The following FBXL7 variants were observed in gnomAD, a reference collection of about 807,000 sequenced individuals.
The protein encoded by FBXL7 is F-box and leucine rich repeat protein 7, also known as F-box/LRR-repeat protein 7.
A neutral mutation model predicts 38.3 loss-of-function variants in FBXL7; 12 were observed. The ratio of observed to expected loss-of-function variants is 0.31; its 90% confidence interval spans 0.20 to 0.51. FBXL7 has a LOEUF of 0.51. Ranked by LOEUF, FBXL7 falls within the 20% of genes least tolerant of loss-of-function variation. FBXL7 has a pLI of 0.98. For synonymous variants in FBXL7, 297 were observed against 300.9 expected, an observed-to-expected ratio of 0.99 and a Z score of 0.13; for missense variants, 567 against 676.4, an observed-to-expected ratio of 0.84 and a Z score of 1.79.
At chr5:15,551,772 G>A (rs891429207) in intron 1 of FBXL7, among the ~76,000 whole-genome samples, 2 of 152,182 alleles carry the variant, frequency 1.3e-5, no homozygotes, top group South Asian at 2.1e-4. Context: ...TTCTGAATAT[G>A]TGTGTGGATA....
At chr5:15,853,885 A>T (rs898346982) in intron 2 of FBXL7, among the ~76,000 whole-genome samples, 3 of 152,190 alleles carry the variant, frequency 2.0e-5, no homozygotes, top group Non-Finnish European at 4.4e-5. Flanking sequence ...ACAGCTCTAA[A>T]TTCCACATTT....
intron 2 of FBXL7, among the ~76,000 whole-genome samples, chr5:15,748,063 A>G (rs1736060517): frequency 6.6e-6 from 1 of 151,234 alleles, no homozygotes; most frequent in Non-Finnish European, 1.5e-5. Context: ...GGAAAAGTCT[A>G]GAGGAATTCT....
At chr5:15,690,859 A>C (rs564165952) in intron 2 of FBXL7, among the ~76,000 whole-genome samples, 1 of 152,330 alleles carries the variant, frequency 6.6e-6, no homozygotes, top group Non-Finnish European at 1.5e-5. Flanking sequence ...TGTGTGAGCC[A>C]CAGGGAGTTC....
intron 1 of FBXL7, among the ~76,000 whole-genome samples, chr5:15,586,457 C>A (rs1739309014): frequency 6.6e-6 from 1 of 151,774 alleles, no homozygotes; most frequent in South Asian, 2.1e-4. Flanking sequence ...AAACATATAA[C>A]TTTCATGAAG....
At chr5:15,902,844 GAGCACAGTGC>G (rs1163764058) in intron 2 of FBXL7, among the ~76,000 whole-genome samples, 1 of 152,226 alleles carries the variant, frequency 6.6e-6, no homozygotes, top group African/African-American at 2.4e-5. Flanking sequence ...CTTTCTAGGT[GAGCACAGTGC>G]AGCCTCTTGG....
chr5:15,799,418 G>A (rs11957233), intron 2 of FBXL7, among the ~76,000 whole-genome samples: 5,413 of 129,228 alleles, frequency 0.042, 361 homozygotes, highest in African/African-American at 0.15. Flanking sequence ...CTTGAGTACA[G>A]TGGTGCGATG....
chr5:15,507,183 A>C (rs1431618753), intron 1 of FBXL7, among the ~76,000 whole-genome samples: 2 of 152,012 alleles, frequency 1.3e-5, no homozygotes, highest in African/African-American at 4.8e-5. Flanking sequence ...AAATCACCCT[A>C]GTTCTGAGTA....
chr5:15,804,656 A>T (rs78124484), intron 2 of FBXL7, among the ~76,000 whole-genome samples: 3,033 of 152,270 alleles, frequency 0.02, 48 homozygotes, highest in Non-Finnish European at 0.031. Flanking sequence ...GTAGGTGAGC[A>T]CTGGTGAGGG....
At chr5:15,853,385 A>G (rs1056941891) in intron 2 of FBXL7, among the ~76,000 whole-genome samples, 5 of 152,128 alleles carry the variant, frequency 3.3e-5, no homozygotes, top group Non-Finnish European at 1.5e-5. Context: ...AGGGGTTACT[A>G]GTTGAATGAA....
chr5:15,757,495 T>C (rs937327794), intron 2 of FBXL7, among the ~76,000 whole-genome samples: 1 of 150,594 alleles, frequency 6.6e-6, no homozygotes, highest in African/African-American at 2.4e-5. Context: ...AACAGAAAAC[T>C]AATTTACATT....
At chr5:15,845,157 G>T (rs1410310211) in intron 2 of FBXL7, among the ~76,000 whole-genome samples, 1 of 152,186 alleles carries the variant, frequency 6.6e-6, no homozygotes, top group Non-Finnish European at 1.5e-5. Flanking sequence ...ACTGCTGGGT[G>T]AAAATTCTTC....
chr5:15,927,576 A>T (rs2126457237), intron 2 of FBXL7, among the ~76,000 whole-genome samples: 1 of 152,174 alleles, frequency 6.6e-6, no homozygotes, highest in East Asian at 1.9e-4. Flanking sequence ...GTTCGAGACC[A>T]AACTGGCCAA....
At chr5:15,616,706 G>A (rs1740466538) in intron 2 of FBXL7, among the ~76,000 whole-genome samples, 1 of 152,200 alleles carries the variant, frequency 6.6e-6, no homozygotes, top group Non-Finnish European at 1.5e-5. Context: ...ACTTGTTTGA[G>A]TGTGGAATTA....
chr5:15,603,409 A>G lies in FBXL7; in HGVS notation c.38-12574A>G, dbSNP rs373530586. On this transcript the variant is annotated intron_variant, in intron 1 of 3. Coordinates refer to ENST00000504595, the MANE Select transcript of FBXL7 (RefSeq NM_012304.5). ...TTTCTCATGATACTTCTATGAGTCT[A>G]TCTTGACTATTACCCATTTTACAGA... is the stretch of plus-strand genomic sequence containing the variant. Among the ~76,000 whole-genome samples the G allele has an allele frequency of 4.6e-5, 7 of 152,276 alleles. No individual in the cohort carries two copies. In the East Asian group the frequency reaches 1.4e-3, roughly 29 times the overall value.
chr5:15,840,342 TA>T (rs201818780), intron 2 of FBXL7, among the ~76,000 whole-genome samples: 2 of 152,226 alleles, frequency 1.3e-5, no homozygotes, highest in Non-Finnish European at 2.9e-5. Context: ...TGACACCTGT[TA>T]GTAAAAACCC....
intron 2 of FBXL7, among the ~76,000 whole-genome samples, chr5:15,866,738 A>T (rs1739732372): frequency 7.5e-6 from 1 of 133,608 alleles, no homozygotes; most frequent in Non-Finnish European, 1.5e-5. Flanking sequence ...TTCAACTCCC[A>T]CTTATAAGTG....
chr5:15,656,847 GATTA>G (rs1741898757), intron 2 of FBXL7, among the ~76,000 whole-genome samples: 1 of 151,886 alleles, frequency 6.6e-6, no homozygotes. Flanking sequence ...TATATAAAAT[GATTA>G]ATTTATTAAT....
At chr5:15,847,720 C>T (rs1382551096) in intron 2 of FBXL7, among the ~76,000 whole-genome samples, 2 of 152,214 alleles carry the variant, frequency 1.3e-5, no homozygotes, top group Non-Finnish European at 2.9e-5. Flanking sequence ...CAAGGAGGAC[C>T]TGACCTAATC....
chr5:15,750,946 C>A lies in FBXL7; in HGVS notation c.127+134874C>A, dbSNP rs1036505516. 5.3e-5 allele frequency among the ~76,000 whole-genome samples: 8 copies of A among 152,224 alleles called. No homozygotes were observed. The East Asian group carries it at 5.8e-4, about 11-fold the overall frequency. ...CTTTGACATCTGGAAAGACACAATG[C>A]ACAAACCTACATGACATAAATTATT... On this transcript the variant is annotated intron_variant, in intron 2 of 3. Transcript: ENST00000504595.
Sources: allele counts gnomAD v4.1 joint callset (sites outside exome capture counted in the v4.1 genomes callset), GRCh38; gene constraint gnomAD v4.1.1; transcripts MANE v1.5; gene names NCBI Gene and HGNC (gene_info 2026-07-23, HGNC 2026-07-21).